The following CEP63 variants were observed in gnomAD, a reference collection of about 807,000 sequenced individuals.
The protein encoded by CEP63 is centrosomal protein of 63 kDa.
A neutral mutation model predicts 89.1 loss-of-function variants in CEP63; 84 were observed. The ratio of observed to expected loss-of-function variants is 0.94; its 90% CI spans 0.79 to 1.13. CEP63 has a LOEUF of 1.13. Ranked by LOEUF, CEP63 falls within the 50% of genes most tolerant of loss-of-function variation. CEP63 has a pLI of 0.00. For synonymous variants in CEP63, 267 were observed against 272.5 expected, an observed-to-expected ratio of 0.98 and a Z score of 0.20; for missense variants, 838 against 813.3, an observed-to-expected ratio of 1.03 and a Z score of -0.37.
At chr3:134,730,938 A>C in the CEP63 span, among the ~76,000 whole-genome samples, 1 of 152,192 alleles carries the variant, frequency 6.6e-6, no homozygotes, top group African/African-American at 2.4e-5. Context: ...TAAAAAATAA[A>C]AGAATGGAAA....
intron 3 of CEP63, among the ~76,000 whole-genome samples, chr3:134,515,185 T>C (rs948173628): frequency 6.6e-6 from 1 of 152,082 alleles, no homozygotes; most frequent in African/African-American, 2.4e-5. Flanking sequence ...AAGTATATAT[T>C]AGTAGAGAAT....
intron 3 of CEP63, chr3:134,510,887 G>A: frequency 4.8e-6 from 1 of 209,700 alleles, no homozygotes; most frequent in South Asian, 7.5e-5. Flanking sequence ...TCCAAGGCAG[G>A]CAGCACCCCC....
intron 3 of CEP63, among the ~76,000 whole-genome samples, chr3:134,528,171 G>A (rs922540479): frequency 6.6e-6 from 1 of 152,052 alleles, no homozygotes; most frequent in Non-Finnish European, 1.5e-5. Flanking sequence ...GTGCGTAGTC[G>A]CCTCATGTAT....
chr3:134,679,929 C>T, the CEP63 span, among the ~76,000 whole-genome samples: 1 of 152,128 alleles, frequency 6.6e-6, no homozygotes, highest in Non-Finnish European at 1.5e-5. Context: ...TGCCATGTTG[C>T]CCAGGCTGGT....
At chr3:134,743,566 G>A in the CEP63 span, among the ~76,000 whole-genome samples, 1 of 152,046 alleles carries the variant, frequency 6.6e-6, no homozygotes, top group Non-Finnish European at 1.5e-5. Context: ...GGCTCTATTG[G>A]GCCTACTTCA....
chr3:134,660,919 C>A, the CEP63 span, among the ~76,000 whole-genome samples: 1 of 152,132 alleles, frequency 6.6e-6, no homozygotes, highest in Non-Finnish European at 1.5e-5. Flanking sequence ...CCTTTCTGGG[C>A]CCTGCGGCTC....
chr3:134,591,729 A>AAT (rs1224478180), downstream of CEP63, among the ~76,000 whole-genome samples: 2 of 151,590 alleles, frequency 1.3e-5, no homozygotes, highest in Non-Finnish European at 2.9e-5. Flanking sequence ...AAAACAAAAA[A>AAT]AATTGGTCGG....
chr3:134,690,778 T>G, the CEP63 span, among the ~76,000 whole-genome samples: 9 of 147,820 alleles, frequency 6.1e-5, no homozygotes, highest in African/African-American at 2.3e-4. Flanking sequence ...AGATAGAGTC[T>G]CGCTCTGTCA....
At chr3:134,588,046 C>T (rs895678517), downstream of CEP63, among the ~76,000 whole-genome samples, 2 of 152,168 alleles carry the variant, frequency 1.3e-5, no homozygotes, top group Non-Finnish European at 2.9e-5. Flanking sequence ...GTAATTCCAG[C>T]ACTTTGGGAG....
downstream of CEP63, among the ~76,000 whole-genome samples, chr3:134,576,823 T>G (rs1958224319): frequency 6.6e-6 from 1 of 151,664 alleles, no homozygotes. Flanking sequence ...GTGGGGTGAC[T>G]TGGAGAGCCA....
At chr3:134,709,206 G>A in the CEP63 span, among the ~76,000 whole-genome samples, 2 of 152,154 alleles carry the variant, frequency 1.3e-5, no homozygotes, top group Non-Finnish European at 2.9e-5. Flanking sequence ...CCTCCCTCTA[G>A]GCACAGAATG....
At chr3:134,548,091 T>G (rs1225415000) in intron 9 of CEP63, among the ~76,000 whole-genome samples, 2 of 152,210 alleles carry the variant, frequency 1.3e-5, no homozygotes, top group Admixed American at 6.5e-5. Flanking sequence ...GTTCTTTCTG[T>G]CTGCTGAATC....
rs532822152 is a variant in CEP63, at chr3:134,573,896, C to T, written c.1330-897C>T. 8.5e-5 allele frequency among the ~76,000 whole-genome samples: 13 copies of T among 152,206 alleles called. No individual in the cohort carries two copies. In the South Asian group the frequency reaches 2.5e-3, roughly 29 times the overall value. On this transcript the variant is annotated intron_variant, in intron 11 of 11. Transcript: ENST00000354446. Reference sequence around the variant, plus strand: ...GCATTCTGCCTGTGTTAGAGTTAGGCCCTGAGGTTTTGGAAGCCCTCAGCA... The same window carrying T: ...GCATTCTGCCTGTGTTAGAGTTAGGTCCTGAGGTTTTGGAAGCCCTCAGCA...
chr3:134,530,427 T>C (rs1040843664), intron 3 of CEP63, among the ~76,000 whole-genome samples: 1 of 152,230 alleles, frequency 6.6e-6, no homozygotes, highest in African/African-American at 2.4e-5. Context: ...ATTCTTGTCC[T>C]TGAGTTATTT....
the CEP63 span, among the ~76,000 whole-genome samples, chr3:134,694,226 A>C: frequency 6.6e-6 from 1 of 151,988 alleles, no homozygotes; most frequent in Non-Finnish European, 1.5e-5. Context: ...AGGTGTAGGC[A>C]CCCCCATGCT....
chr3:134,627,029 A>G, the CEP63 span, among the ~76,000 whole-genome samples: 1 of 152,300 alleles, frequency 6.6e-6, no homozygotes, highest in South Asian at 2.1e-4. Flanking sequence ...CTGCACTCCT[A>G]TTTAGAATAA....
intron 5 of CEP63, among the ~76,000 whole-genome samples, chr3:134,534,925 A>G (rs1950491043): frequency 6.6e-6 from 1 of 151,968 alleles, no homozygotes; most frequent in Non-Finnish European, 1.5e-5. Context: ...TCTTGTGTCC[A>G]CCCACCTATC....
the CEP63 span, among the ~76,000 whole-genome samples, chr3:134,730,535 A>G: frequency 5.9e-5 from 9 of 152,368 alleles, no homozygotes; most frequent in Non-Finnish European, 1.3e-4. Flanking sequence ...GTGGATACAT[A>G]TATGTACACA....
At chr3:134,501,337 AT>A (rs1437656932) in intron 2 of CEP63, among the ~76,000 whole-genome samples, 1 of 152,128 alleles carries the variant, frequency 6.6e-6, no homozygotes, top group Non-Finnish European at 1.5e-5. Flanking sequence ...TTCCATATGA[AT>A]TTTAAAATAG....
Sources: gnomAD v4.1 joint callset for allele counts (sites outside exome capture counted in the v4.1 genomes callset) on GRCh38, gnomAD v4.1.1 for gene constraint, MANE v1.5 for transcripts, NCBI Gene and HGNC (gene_info 2026-07-23, HGNC 2026-07-21) for gene names.